The following MTHFD1L variants were observed in gnomAD, a reference collection of about 807,000 sequenced individuals.
MTHFD1L encodes monofunctional C1-tetrahydrofolate synthase, mitochondrial.
A neutral mutation model predicts 119.5 loss-of-function variants in MTHFD1L; 81 were observed. The observed-to-expected ratio is 0.68, with a 90% confidence interval of 0.57 to 0.82. The LOEUF (loss-of-function observed/expected upper bound fraction) is 0.82. Ranked by LOEUF, MTHFD1L falls within the 40% of genes least tolerant of loss-of-function variation. The pLI is 0.00. For synonymous variants in MTHFD1L, 430 were observed against 475.2 expected (o/e 0.90, Z 1.24); for missense variants, 1,125 against 1,253.4 (o/e 0.90, Z 1.55).
chr6:150,912,324 T>C (rs1158055507), intron 8 of MTHFD1L, among the ~76,000 whole-genome samples: 4 of 151,500 alleles, frequency 2.6e-5, no homozygotes, highest in Non-Finnish European at 5.9e-5. Context: ...AAGTTCTACC[T>C]GTACTGATTT....
At chr6:150,999,077 G>A (rs1780244856) in intron 20 of MTHFD1L, among the ~76,000 whole-genome samples, 1 of 151,460 alleles carries the variant, frequency 6.6e-6, no homozygotes, top group African/African-American at 2.4e-5. Context: ...GTTTAGACAG[G>A]GGTCCCAACC....
intron 20 of MTHFD1L, among the ~76,000 whole-genome samples, chr6:150,988,247 A>T (rs991619102): frequency 2.6e-5 from 4 of 152,236 alleles, no homozygotes; most frequent in African/African-American, 7.2e-5. Flanking sequence ...GAGAATTTTT[A>T]AAAATATCCG....
chr6:150,885,007 T>C (rs1029806637), intron 5 of MTHFD1L, among the ~76,000 whole-genome samples: 2 of 152,102 alleles, frequency 1.3e-5, no homozygotes, highest in Non-Finnish European at 2.9e-5. Flanking sequence ...TTGGGGTCCA[T>C]TGAAAGGAGC....
At chr6:150,879,496 C>T (rs1781027843) in intron 4 of MTHFD1L, among the ~76,000 whole-genome samples, 1 of 151,722 alleles carries the variant, frequency 6.6e-6, no homozygotes, top group Non-Finnish European at 1.5e-5. Context: ...ATCATGTTGA[C>T]CAGGCTGGTC....
At chr6:150,957,405 A>G (rs1159417856) in intron 17 of MTHFD1L, among the ~76,000 whole-genome samples, 3 of 152,200 alleles carry the variant, frequency 2.0e-5, no homozygotes, top group African/African-American at 7.2e-5. Flanking sequence ...AAATGGGGGC[A>G]TTTATGCAGC....
chr6:150,973,128 C>A lies in MTHFD1L; in HGVS notation c.2125+1070C>A, dbSNP rs752655481. 9.0e-4 allele frequency among the ~76,000 whole-genome samples: 137 copies of A among 152,348 alleles called. 1 individual carries two copies. The highest frequency in any genetic ancestry group is 1.6e-3 in the Non-Finnish European group (111 of 68,030). ...CATTAACCACACGTATACCTATAAT[C>A]GGAGACAGCAATCTCTTCTTTCACT... On this transcript the variant is annotated intron_variant, in intron 20 of 27. Transcript: ENST00000367321.
At chr6:150,960,503 G>A in intron 18 of MTHFD1L, 88 bp downstream of exon 18, 1 of 1,486,050 alleles carries the variant, frequency 6.7e-7, no homozygotes, top group Admixed American at 2.2e-5. Flanking sequence ...CCTTTTATCA[G>A]TGAGTGTAAT....
chr6:151,070,421 C>T (rs1394598748), intron 26 of MTHFD1L, among the ~76,000 whole-genome samples: 2 of 152,218 alleles, frequency 1.3e-5, no homozygotes, highest in East Asian at 3.8e-4. Context: ...TTGCCATCTG[C>T]ACTTTACTGT....
intron 19 of MTHFD1L, 105 bp from the exon 20 acceptor site, chr6:150,971,842 G>T: frequency 1.2e-6 from 1 of 848,628 alleles, no homozygotes; most frequent in Non-Finnish European, 2.0e-6. Context: ...CATTAAATAT[G>T]CAGTATTCAT....
In MTHFD1L at chr6:151,039,736, G is replaced by A. The variant is rs1786768296; in HGVS notation, c.2847+2619G>A. 6.6e-6 allele frequency among the ~76,000 whole-genome samples: 1 copy of A among 152,110 alleles called. No homozygotes were observed. The highest frequency in any genetic ancestry group is 2.4e-5 in the African/African-American group (1 of 41,430). On this transcript the variant is annotated intron_variant, in intron 26 of 27. Coordinates refer to ENST00000367321, the MANE Select transcript of MTHFD1L (RefSeq NM_015440.5). This position sits in a 1 kb window ranked among gnomAD's most constrained non-coding sequence, Gnocchi z 4.4. ...TCGAGACCTGCCTGGCCAAAATGGT[G>A]AAACCCCATCACTACTAAAAATACA...
At chr6:151,061,144 G>T (rs990643862) in intron 26 of MTHFD1L, among the ~76,000 whole-genome samples, 1 of 152,116 alleles carries the variant, frequency 6.6e-6, no homozygotes, top group Non-Finnish European at 1.5e-5. Context: ...AATTTTAGGC[G>T]GAAGATAGTT....
intron 27 of MTHFD1L, among the ~76,000 whole-genome samples, chr6:151,098,123 G>A (rs1795044076): frequency 6.6e-6 from 1 of 152,134 alleles, no homozygotes; most frequent in Non-Finnish European, 1.5e-5. Flanking sequence ...GCAGTGAGCT[G>A]AGATCATGCC....
intron 20 of MTHFD1L, among the ~76,000 whole-genome samples, chr6:150,989,574 A>G (rs1778779521): frequency 6.6e-6 from 1 of 152,228 alleles, no homozygotes; most frequent in Non-Finnish European, 1.5e-5. Context: ...ATGCAATGTA[A>G]ATATGTAAAT....
chr6:151,075,084 G>A (rs1320723968), intron 26 of MTHFD1L, among the ~76,000 whole-genome samples: 4 of 151,804 alleles, frequency 2.6e-5, no homozygotes, highest in Non-Finnish European at 5.9e-5. Context: ...GCAGAAAAGG[G>A]AAAAAGGAAC....
chr6:151,055,381 A>G (rs1356714830), intron 26 of MTHFD1L, among the ~76,000 whole-genome samples: 1 of 152,214 alleles, frequency 6.6e-6, no homozygotes, highest in Non-Finnish European at 1.5e-5. Context: ...CTTGAGGTAG[A>G]TTAAAATCTC....
intron 26 of MTHFD1L, among the ~76,000 whole-genome samples, chr6:151,051,592 GC>G (rs1242616601): frequency 6.6e-6 from 1 of 152,152 alleles, no homozygotes; most frequent in East Asian, 1.9e-4. Flanking sequence ...TACTCACAGG[GC>G]CGTGCATGCT....
intron 8 of MTHFD1L, chr6:150,912,803 G>A (rs531237965): frequency 4.3e-5 from 17 of 394,288 alleles, no homozygotes; most frequent in East Asian, 1.5e-4. Context: ...TGAGATCCTC[G>A]TTGGACTGTG....
intron 20 of MTHFD1L, 63 bp downstream of exon 20, chr6:150,972,121 T>C (rs1583880589): frequency 1.5e-6 from 2 of 1,365,252 alleles, no homozygotes; most frequent in South Asian, 1.2e-5. Flanking sequence ...AGCTGATGAC[T>C]GGAATGGAGT....
intron 26 of MTHFD1L, among the ~76,000 whole-genome samples, chr6:151,091,357 A>G (rs1227366459): frequency 6.6e-6 from 1 of 152,190 alleles, no homozygotes; most frequent in Non-Finnish European, 1.5e-5. Flanking sequence ...GCTGAAATGG[A>G]AAAGGAATGG....
Sources: allele counts gnomAD v4.1 joint callset (sites outside exome capture counted in the v4.1 genomes callset), GRCh38; gene constraint gnomAD v4.1.1; non-coding constraint Gnocchi (gnomAD v3.1); transcripts MANE v1.5; gene names NCBI Gene and HGNC (gene_info 2026-07-23, HGNC 2026-07-21).